GPI: variants seen among roughly 807,000 people sequenced by gnomAD.
The protein encoded by GPI is glucose-6-phosphate isomerase.
A neutral mutation model predicts 75.8 loss-of-function variants in GPI; 56 were observed. The observed-to-expected ratio is 0.74, with a 90% confidence interval of 0.60 to 0.92. The LOEUF (loss-of-function observed/expected upper bound fraction) is 0.92. Ranked by LOEUF, GPI falls within the 40% of genes least tolerant of loss-of-function variation. The pLI is 0.00. For synonymous variants in GPI, 288 were observed against 285.4 expected, an observed-to-expected ratio of 1.01 and a Z score of -0.09; for missense variants, 638 against 741.0, an observed-to-expected ratio of 0.86 and a Z score of 1.61.
intron 9 of GPI, chr19:34,392,051 TG>T: frequency 5.7e-6 from 1 of 174,038 alleles, no homozygotes; most frequent in Non-Finnish European, 1.2e-5. Context: ...AGGTAGGATC[TG>T]GTACAGGTGT....
intron 4 of GPI, 136 bp downstream of exon 4, chr19:34,368,838 G>T: frequency 1.0e-6 from 1 of 988,132 alleles, no homozygotes; most frequent in South Asian, 1.4e-5. Context: ...GGGAGGGGTT[G>T]CCTGTGTGAT....
At chr19:34,386,974 G>A (rs908874120) in intron 9 of GPI, among the ~76,000 whole-genome samples, 5 of 152,190 alleles carry the variant, frequency 3.3e-5, no homozygotes, top group South Asian at 2.1e-4. Flanking sequence ...GAGATTGGCA[G>A]CATTGGATCT....
chr19:34,379,990 GTTT>G (rs953154032), intron 8 of GPI: 126 of 102,496 alleles, frequency 1.2e-3, no homozygotes, highest in South Asian at 3.2e-3. Flanking sequence ...GTGTGGTTTT[GTTT>G]TTTTTTTTTT....
chr19:34,378,150 C>T (rs1435506357), intron 6 of GPI, among the ~76,000 whole-genome samples: 1 of 152,194 alleles, frequency 6.6e-6, no homozygotes, highest in Non-Finnish European at 1.5e-5. Flanking sequence ...CAGCCTGGGA[C>T]TGCTCGCCAC....
At chr19:34,377,356 T>A in intron 4 of GPI, 147 bp from the exon 5 acceptor site, 3 of 282,936 alleles carry the variant, frequency 1.1e-5, no homozygotes, top group Middle Eastern at 1.2e-3. Flanking sequence ...TATATATATA[T>A]ATGGTAAATT....
At chr19:34,365,847 A>C in intron 1 of GPI, 1 of 470,742 alleles carries the variant, frequency 2.1e-6, no homozygotes, top group Non-Finnish European at 4.2e-6. Context: ...GGAAGGATGG[A>C]GACGTCGGGC....
At chr19:34,369,621 C>T (rs1042732893) in intron 4 of GPI, among the ~76,000 whole-genome samples, 12 of 151,900 alleles carry the variant, frequency 7.9e-5, no homozygotes, top group Admixed American at 2.0e-4. Context: ...GCAGGAGAAT[C>T]GCTTGAACCC....
chr19:34,369,065 T>TTGAG (rs2074410955), intron 4 of GPI, among the ~76,000 whole-genome samples: 2 of 151,772 alleles, frequency 1.3e-5, no homozygotes, highest in Non-Finnish European at 2.9e-5. Context: ...TTTTTTTTTT[T>TTGAG]TGAGATGGAG....
Position 34,372,595 on chromosome 19 carries a change from T to C in GPI, c.402+3893T>C, listed in dbSNP as rs532183276. Reference sequence around the variant, plus strand: ...AATTTGAAGCTGCAGTGAGCTATGATCATACTCCTACATTCCAGGTCGAGC... The same window carrying C: ...AATTTGAAGCTGCAGTGAGCTATGACCATACTCCTACATTCCAGGTCGAGC... On this transcript the variant is annotated intron_variant, in intron 4 of 17. Transcript: ENST00000356487. Among the ~76,000 whole-genome samples the C allele has an allele frequency of 2.0e-5, 3 of 152,268 alleles. No individual in the cohort carries two copies. The East Asian group carries it at 5.8e-4, about 29-fold the overall frequency.
chr19:34,399,090 T>A lies in GPI; in HGVS notation c.1270-117T>A. 5 of 885,926 alleles carry A rather than the reference T, an allele frequency of 5.6e-6. No individual in the cohort carries two copies. The South Asian group carries it at 6.5e-5, about 12-fold the overall frequency. The allele number at this position is 885,926 out of a possible 1,614,324, so 54.9% of individuals were successfully genotyped here. ...TGTGTCCCCCTCGCTCCAACTGAGCTGTACAGCGAGTGACCCAGGCTGGGA... is the reference window on the plus strand; with the variant it reads ...TGTGTCCCCCTCGCTCCAACTGAGCAGTACAGCGAGTGACCCAGGCTGGGA... On this transcript the variant is annotated intron_variant, in intron 14 of 17. Transcript: ENST00000356487.
chr19:34,389,564 G>T (rs939383484), intron 9 of GPI, among the ~76,000 whole-genome samples: 6 of 152,142 alleles, frequency 3.9e-5, no homozygotes, highest in African/African-American at 1.4e-4. Context: ...TACTAGTCTT[G>T]GACCATCCTT....
intron 9 of GPI, chr19:34,392,961 A>C: frequency 2.1e-6 from 1 of 468,422 alleles, no homozygotes; most frequent in Non-Finnish European, 3.9e-6. Flanking sequence ...TGGCACAGGT[A>C]TGAGGTCCTG....
At chr19:34,364,813 C>G, upstream of GPI, 1 of 553,604 alleles carries the variant, frequency 1.8e-6, no homozygotes, top group Non-Finnish European at 3.1e-6. Flanking sequence ...TCCACAGCGC[C>G]TAGAACACTG....
intron 12 of GPI, among the ~76,000 whole-genome samples, chr19:34,394,342 C>T (rs1568347958): frequency 6.6e-6 from 1 of 150,496 alleles, no homozygotes; most frequent in Non-Finnish European, 1.5e-5. Flanking sequence ...GGATGTTTCT[C>T]AGCTGGGGTC....
chr19:34,362,527 C>T (rs936193873), upstream of GPI, among the ~76,000 whole-genome samples: 7 of 151,838 alleles, frequency 4.6e-5, no homozygotes, highest in Admixed American at 4.6e-4. Context: ...TCCTGGTGGT[C>T]GGGAGAGGAC....
chr19:34,392,343 G>A (rs1424273965), intron 9 of GPI: 1 of 41,690 alleles, frequency 2.4e-5, no homozygotes, highest in Admixed American at 2.9e-4. Context: ...CTGTATCTGA[G>A]GAAGTAGGAT....
chr19:34,385,620 A>G (rs913159318), intron 9 of GPI, among the ~76,000 whole-genome samples: 6 of 152,288 alleles, frequency 3.9e-5, no homozygotes, highest in Admixed American at 3.9e-4. Context: ...GAGTGTGTTC[A>G]TGAGACCTAA....
At chr19:34,369,255 G>A (rs61385561) in intron 4 of GPI, among the ~76,000 whole-genome samples, 2 of 151,448 alleles carry the variant, frequency 1.3e-5, no homozygotes, top group Non-Finnish European at 2.9e-5. Context: ...CACCATGTTG[G>A]CCAGGCTGGT....
At chr19:34,365,641 T>C in intron 1 of GPI, 1 of 658,198 alleles carries the variant, frequency 1.5e-6, no homozygotes, top group Non-Finnish European at 2.8e-6. Context: ...GGCCCCTCCG[T>C]GGGGACATTT....
Sources: gnomAD v4.1 joint callset for allele counts (sites outside exome capture counted in the v4.1 genomes callset) on GRCh38, gnomAD v4.1.1 for gene constraint, MANE v1.5 for transcripts, NCBI Gene and HGNC (gene_info 2026-07-23, HGNC 2026-07-21) for gene names.